The following WFS1 variants were observed in gnomAD, a reference collection of about 807,000 sequenced individuals.
WFS1 encodes wolframin.
A neutral mutation model predicts 68.5 loss-of-function variants in WFS1; 90 were observed. The observed-to-expected ratio is 1.31, with a 90% CI of 1.11 to 1.56. The LOEUF (loss-of-function observed/expected upper bound fraction) is 1.56. Ranked by LOEUF, WFS1 falls within the 40% of genes most tolerant of loss-of-function variation. WFS1 has a pLI of 0.00. For synonymous variants in WFS1, 860 were observed against 540.7 expected (o/e 1.59, Z -8.19); for missense variants, 1,767 against 1,232.6 (o/e 1.43, Z -6.49).
chr4:6,300,999 C>G lies in WFS1; in HGVS notation c.1204C>G (p.Leu402Val). 1 of 1,614,034 alleles carries G rather than the reference C, an allele frequency of 6.2e-7. No homozygotes were observed. Among genetic ancestry groups the G allele is most frequent in the Non-Finnish European group, 8.5e-7 (1 of 1,180,022 alleles). Residue 402 changes from leucine to valine, a missense_variant, in exon 8 of 8, where the codon CTG (leucine) becomes GTG (valine). Leu to Val is a conservative substitution (Grantham distance 32). Coordinates refer to ENST00000226760, the MANE Select transcript of WFS1 (RefSeq NM_006005.3). ...QAEVNFGWNH[L>V]EPYAHFLLSV... ...CGAGGTCAACTTCGGCTGGAACCAC[C>G]TGGAGCCCTATGCCCATTTCCTGCT...
At chr4:6,275,246 T>C (rs116828684) in intron 1 of WFS1, among the ~76,000 whole-genome samples, 2,839 of 152,242 alleles carry the variant, frequency 0.019, 86 homozygotes, top group African/African-American at 0.065. Flanking sequence ...TTCGGGGCAG[T>C]GGGAACCATG....
chr4:6,300,570 A>G, intron 7 of WFS1, 87 bp from the exon 8 acceptor site: 1 of 1,590,164 alleles, frequency 6.3e-7, no homozygotes, highest in South Asian at 1.1e-5. Flanking sequence ...CCTTTTGCCC[A>G]GAGGCAGGGT....
chr4:6,272,123 C>T (rs1489138429), intron 1 of WFS1, among the ~76,000 whole-genome samples: 1 of 152,226 alleles, frequency 6.6e-6, no homozygotes, highest in Non-Finnish European at 1.5e-5. Flanking sequence ...GGAGTGAGGG[C>T]CCCCTTCTGT....
chr4:6,283,541 G>A lies in WFS1; in HGVS notation c.233-3552G>A, dbSNP rs143358474. On this transcript the variant is annotated intron_variant, in intron 2 of 7. Transcript: ENST00000226760. The surrounding 1 kb of genome is among the most constrained non-coding windows in gnomAD (Gnocchi z 5.0). ...TCCACTCTGCTTTCCTGTGCTGCCT[G>A]TGTCTCAGGGGCTCTGCCCACAGGG... Among the ~76,000 whole-genome samples, 217 of 152,320 alleles carry A rather than the reference G, an allele frequency of 1.4e-3. No homozygotes were observed. Among genetic ancestry groups the A allele is most frequent in the African/African-American group, 4.9e-3 (203 of 41,576 alleles).
At chr4:6,271,008 G>T (rs1729822640) in intron 1 of WFS1, among the ~76,000 whole-genome samples, 1 of 152,178 alleles carries the variant, frequency 6.6e-6, no homozygotes, top group African/African-American at 2.4e-5. Flanking sequence ...CTGGCATTTG[G>T]CCCAGGGCTT....
At position 6,302,176 on chromosome 4, in the gene WFS1, A is replaced by AGGAGGACGACGTCAC. The variant is rs1560421715; in HGVS notation, c.2382_2396dup (p.Glu795_Thr799dup). ...GGCGCTGACGGCTCGCGCAGCCGCG[A>AGGAGGACGACGTCAC]GGAGGACGACGTCACCAAGGACATC... is the stretch of plus-strand genomic sequence containing the variant. On this transcript the variant is annotated inframe_insertion, in exon 8 of 8. Coordinates refer to ENST00000226760, the MANE Select transcript of WFS1 (RefSeq NM_006005.3). The AGGAGGACGACGTCAC allele has an allele frequency of 3.1e-6, 5 of 1,612,572 alleles. No individual in the cohort carries two copies. The highest frequency in any genetic ancestry group is 4.2e-6 in the Non-Finnish European group (5 of 1,179,934).
In WFS1 at chr4:6,291,919, G is replaced by A. The variant is rs1216952842; in HGVS notation, c.634G>A (p.Gly212Arg). The change falls in exon 6 of 8, where the codon GGA (glycine) becomes AGA (arginine). Residue 212 changes from glycine to arginine, a missense_variant and splice_region_variant. Physicochemically the swap from Gly to Arg is moderately radical, Grantham distance 125. Coordinates refer to ENST00000226760, the MANE Select transcript of WFS1 (RefSeq NM_006005.3). ...TTAATCCACCCTGTCCCCTGCAGATGGAGGGGCGCAGCCAGGCCCCGTGCC... is the reference window on the plus strand; with the variant it reads ...TTAATCCACCCTGTCCCCTGCAGATAGAGGGGCGCAGCCAGGCCCCGTGCC... ...ENVGQVNEHD[G>R]GAQPGPVPKS... is the part of the protein sequence containing the mutation. The A allele has an allele frequency of 2.5e-6, 4 of 1,609,796 alleles. No individual in the cohort carries two copies. The highest frequency in any genetic ancestry group is 1.3e-5 in the African/African-American group (1 of 74,880).
At chr4:6,281,635 G>A (rs1730171264) in intron 2 of WFS1, among the ~76,000 whole-genome samples, 1 of 152,088 alleles carries the variant, frequency 6.6e-6, no homozygotes, top group South Asian at 2.1e-4. Context: ...GGCGGGGTCC[G>A]AGCTTAGTCT....
At chr4:6,298,650 A>G (rs1309691728) in intron 7 of WFS1, among the ~76,000 whole-genome samples, 2 of 151,692 alleles carry the variant, frequency 1.3e-5, no homozygotes, top group East Asian at 3.9e-4. Context: ...GTAGACATGC[A>G]TGCACACACT....
chr4:6,278,531 T>G (rs1159612832), intron 2 of WFS1, among the ~76,000 whole-genome samples: 1 of 152,218 alleles, frequency 6.6e-6, no homozygotes, highest in Admixed American at 6.5e-5. Context: ...GGACTCCTCA[T>G]GGCAGTCCTG....
intron 7 of WFS1, among the ~76,000 whole-genome samples, 174 bp downstream of exon 7, chr4:6,295,363 C>T (rs1730608573): frequency 2.6e-5 from 4 of 152,194 alleles, no homozygotes; most frequent in African/African-American, 2.4e-5. Flanking sequence ...AGGATGTGTC[C>T]TCGGGAGAGA....
rs1309260896 is a variant in WFS1 at position 6,283,513 on chromosome 4, C to T, written c.233-3580C>T. On this transcript the variant is annotated intron_variant, in intron 2 of 7. Transcript: ENST00000226760. This position sits in a 1 kb window ranked among gnomAD's most constrained non-coding sequence, Gnocchi z 5.0. ...TCATCAGGAAGTACTCCCCCGCCCC[C>T]ATTCCACTCTGCTTTCCTGTGCTGC... 6.6e-6 allele frequency among the ~76,000 whole-genome samples: 1 copy of T among 152,254 alleles called. No homozygotes were observed. The highest frequency in any genetic ancestry group is 1.5e-5 in the Non-Finnish European group (1 of 68,050).
In WFS1 at chr4:6,302,484, A is replaced by C. The variant is rs768764525; in HGVS notation, c.*16A>C. Reference sequence around the variant, plus strand: ...GGCGGCCTGAGGATGGTCCGCCACGAGGAGCTTCCAGTGCATGTTGCCATG... The same window carrying C: ...GGCGGCCTGAGGATGGTCCGCCACGCGGAGCTTCCAGTGCATGTTGCCATG... On this transcript the variant is annotated 3_prime_UTR_variant, in exon 8 of 8. Transcript: ENST00000226760. The C allele has an allele frequency of 1.2e-6, 2 of 1,611,890 alleles. No homozygotes were observed. Among genetic ancestry groups the C allele is most frequent in the Non-Finnish European group, 1.7e-6 (2 of 1,180,010 alleles).
intron 6 of WFS1, among the ~76,000 whole-genome samples, chr4:6,294,561 G>A (rs769705870): frequency 7.9e-5 from 12 of 152,296 alleles, no homozygotes; most frequent in South Asian, 2.1e-4. Context: ...GGTGGATCAC[G>A]TTGAATGGAG....
chr4:6,284,098 C>T (rs1055590162), intron 2 of WFS1, among the ~76,000 whole-genome samples: 1 of 152,094 alleles, frequency 6.6e-6, no homozygotes, highest in Non-Finnish European at 1.5e-5. Context: ...GGGCTGGGCG[C>T]AGTGGCTCAG....
In WFS1 at chr4:6,300,180, C is replaced by T. The variant is rs541015266; in HGVS notation, c.862-477C>T. Among the ~76,000 whole-genome samples, 4 of 152,262 alleles carry T rather than the reference C, an allele frequency of 2.6e-5. No individual in the cohort carries two copies. The South Asian group carries it at 8.3e-4, about 32-fold the overall frequency. ...CCGGGGACTGCCTGCGGCTTCTCCTCCTCGTAAGGATCGCCATTTCCCTTC... is the reference window on the plus strand; with the variant it reads ...CCGGGGACTGCCTGCGGCTTCTCCTTCTCGTAAGGATCGCCATTTCCCTTC... On this transcript the variant is annotated intron_variant, in intron 7 of 7. Coordinates refer to ENST00000226760, the MANE Select transcript of WFS1 (RefSeq NM_006005.3).
At chr4:6,282,694 G>A (rs1730202550) in intron 2 of WFS1, among the ~76,000 whole-genome samples, 1 of 152,230 alleles carries the variant, frequency 6.6e-6, no homozygotes, top group Non-Finnish European at 1.5e-5. Flanking sequence ...TTTTGAGCCA[G>A]CTGTTTGGGA....
At chr4:6,295,499 C>T (rs996475308) in intron 7 of WFS1, among the ~76,000 whole-genome samples, 2 of 152,258 alleles carry the variant, frequency 1.3e-5, no homozygotes, top group African/African-American at 2.4e-5. Flanking sequence ...GCGGGCTGGA[C>T]GCAGACTTTC....
intron 1 of WFS1, among the ~76,000 whole-genome samples, chr4:6,276,869 G>C (rs1342848465): frequency 6.6e-6 from 1 of 152,202 alleles, no homozygotes; most frequent in Admixed American, 6.5e-5. Flanking sequence ...AGTGGCCAGT[G>C]GTCCTCCTGC....
Sources: gnomAD v4.1 joint callset for allele counts (sites outside exome capture counted in the v4.1 genomes callset) on GRCh38, gnomAD v4.1.1 for gene constraint, Gnocchi (gnomAD v3.1) non-coding constraint, MANE v1.5 for transcripts, NCBI Gene and HGNC (gene_info 2026-07-23, HGNC 2026-07-21) for gene names.